CA5A: variants seen among roughly 807,000 people sequenced by gnomAD.
CA5A encodes the protein carbonic anhydrase 5A, mitochondrial.
In CA5A, 28 loss-of-function variants were observed where a neutral mutation model predicts 37.1. The observed-to-expected ratio is 0.75, with a 90% CI of 0.56 to 1.03. The LOEUF is 1.03. Among genes scored for constraint, CA5A ranks in the 50% least tolerant of loss-of-function variants. CA5A has a pLI of 0.00. For synonymous variants in CA5A, 171 were observed against 158.4 expected, an observed-to-expected ratio of 1.08 and a Z score of -0.60; for missense variants, 444 against 399.9, an observed-to-expected ratio of 1.11 and a Z score of -0.94.
chr16:87,924,350 G>A (rs577409186), intron 2 of CA5A: 2 of 979,836 alleles, frequency 2.0e-6, no homozygotes, highest in African/African-American at 3.5e-5. Flanking sequence ...CGAAAGGAGA[G>A]AGAGACACTG....
chr16:87,907,858 G>A (rs368063736), intron 2 of CA5A, among the ~76,000 whole-genome samples: 13 of 152,148 alleles, frequency 8.5e-5, no homozygotes, highest in African/African-American at 2.2e-4. Flanking sequence ...CTTGGCAGGC[G>A]GAGGTTGCAG....
chr16:87,912,130 C>T (rs1028544750), intron 2 of CA5A, among the ~76,000 whole-genome samples: 3 of 152,036 alleles, frequency 2.0e-5, no homozygotes, highest in African/African-American at 7.2e-5. Flanking sequence ...GGTGAAACCC[C>T]GTCTCTACTA....
At chr16:87,918,228 C>T (rs940182745) in intron 2 of CA5A, among the ~76,000 whole-genome samples, 2 of 152,246 alleles carry the variant, frequency 1.3e-5, no homozygotes, top group Non-Finnish European at 2.9e-5. Flanking sequence ...AAGTGCTTCA[C>T]ACAGCCCTGC....
intron 2 of CA5A, among the ~76,000 whole-genome samples, chr16:87,905,759 G>A (rs1383983331): frequency 2.6e-5 from 4 of 152,190 alleles, no homozygotes; most frequent in Non-Finnish European, 4.4e-5. Context: ...AGCTTTTATT[G>A]GAACACTCCT....
In CA5A at chr16:87,926,831, G is replaced by A. The variant is rs1218721839; in HGVS notation, c.257C>T (p.Ser86Phe). The change falls in exon 2 of 7, where the codon TCC (serine) becomes TTC (phenylalanine). Residue 86 changes from serine (S) to phenylalanine (F), a missense_variant. Transcript: ENST00000649794. ...YDPQLKPLRV[S>F]YEAASCLYIW... ...GTACAGGCAGGATGCCGCTTCATAG[G>A]AGACCCTGAGTGGCTTCAGCTGGGG... The A allele has an allele frequency of 6.2e-7, 1 of 1,614,028 alleles. No homozygotes were observed. The highest frequency in any genetic ancestry group is 1.3e-5 in the African/African-American group (1 of 74,942).
intron 1 of CA5A, among the ~76,000 whole-genome samples, chr16:87,928,091 C>T (rs2056337891): frequency 6.6e-6 from 1 of 152,102 alleles, no homozygotes; most frequent in Non-Finnish European, 1.5e-5. Flanking sequence ...GGGATGTCAC[C>T]CCAGAGGCCT....
At chr16:87,920,687 G>C (rs2056218288) in intron 2 of CA5A, among the ~76,000 whole-genome samples, 1 of 151,618 alleles carries the variant, frequency 6.6e-6, no homozygotes, top group African/African-American at 2.4e-5. Context: ...GCGTGATCTC[G>C]ACTCACTTAC....
chr16:87,913,752 C>T (rs949314450), intron 2 of CA5A, among the ~76,000 whole-genome samples: 2 of 151,920 alleles, frequency 1.3e-5, no homozygotes, highest in African/African-American at 4.8e-5. Context: ...GTGACTGACT[C>T]GTCCCCGGTC....
At chr16:87,903,850 A>T in intron 3 of CA5A, among the ~76,000 whole-genome samples, 1 of 152,368 alleles carries the variant, frequency 6.6e-6, no homozygotes, top group East Asian at 1.9e-4. Flanking sequence ...GGACTGAGAC[A>T]TCAAACTCGT....
In CA5A at chr16:87,936,033, G is replaced by C. The variant is rs917620184; in HGVS notation, c.142+276C>G. Among the ~76,000 whole-genome samples, 3 of 152,018 alleles carry C rather than the reference G, an allele frequency of 2.0e-5. No homozygotes were observed. In the South Asian group the frequency reaches 6.2e-4, roughly 31 times the overall value. ...TAAAAATACGAAAAATTAGCCAGGA[G>C]TGGTGGCATGCACCTATAGTCCCAG... On this transcript the variant is annotated intron_variant, in intron 1 of 6. Transcript: ENST00000649794.
At chr16:87,895,366 C>A (rs1022996468) in intron 5 of CA5A, among the ~76,000 whole-genome samples, 6 of 152,032 alleles carry the variant, frequency 3.9e-5, no homozygotes, top group East Asian at 1.9e-4. Flanking sequence ...ACCAACATGG[C>A]GAAACCATGT....
At position 87,904,896 on chromosome 16, in the gene CA5A, C is replaced by T; in HGVS notation, c.349G>A (p.Gly117Ser). 6.2e-7 allele frequency: 1 copy of T among 1,607,330 alleles called. No individual in the cohort carries two copies. Among genetic ancestry groups the T allele is most frequent in the African/African-American group, 1.3e-5 (1 of 74,916 alleles). Residue 117 changes from glycine to serine, a missense_variant, in exon 3 of 7, where the codon GGT becomes AGT. By Grantham distance (56) the Gly-to-Ser change is moderately conservative. Coordinates refer to ENST00000649794, the MANE Select transcript of CA5A (RefSeq NM_001739.2). ...CTGTAGTGGTTTTCCAAGGGCCCAC[C>T]ACTAATTCCTGGAAATAAAGGCAGT... is the stretch of plus-strand genomic sequence containing the variant. ...DDATEASGIS[G>S]GPLENHYRLK...
intron 3 of CA5A, among the ~76,000 whole-genome samples, chr16:87,903,188 T>C (rs1215412715): frequency 2.0e-5 from 3 of 152,130 alleles, no homozygotes; most frequent in Non-Finnish European, 4.4e-5. Context: ...ATCTCAGCAC[T>C]CTGGGAGGCC....
intron 2 of CA5A, among the ~76,000 whole-genome samples, chr16:87,924,701 C>G (rs1476816304): frequency 6.6e-6 from 1 of 152,364 alleles, no homozygotes; most frequent in East Asian, 1.9e-4. Context: ...GGGGAAGCCC[C>G]GGTGAGCATG....
intron 6 of CA5A, among the ~76,000 whole-genome samples, chr16:87,889,120 T>C (rs2055678038): frequency 1.3e-5 from 2 of 152,024 alleles, no homozygotes; most frequent in Admixed American, 6.6e-5. Flanking sequence ...GGTTTCTCCA[T>C]GTTGGTCAGG....
chr16:87,885,365 G>A (rs1039101914), downstream of CA5A: 6 of 152,972 alleles, frequency 3.9e-5, no homozygotes, highest in African/African-American at 1.2e-4. Flanking sequence ...CAGGTATCTG[G>A]TGAAAGAGGA....
chr16:87,918,741 G>A (rs1471954551), intron 2 of CA5A, among the ~76,000 whole-genome samples: 1 of 151,912 alleles, frequency 6.6e-6, no homozygotes. Flanking sequence ...ATTCTTCTCT[G>A]TTTCTCTCTG....
intron 5 of CA5A, 109 bp from the exon 6 acceptor site, chr16:87,892,063 C>T (rs1333779431): frequency 9.5e-7 from 1 of 1,049,242 alleles, no homozygotes; most frequent in African/African-American, 1.7e-5. Context: ...AGTGCTTTCC[C>T]CCAGATAAGG....
intron 2 of CA5A, 28 bp from the exon 3 acceptor site, chr16:87,904,932 T>A: frequency 7.0e-7 from 1 of 1,424,850 alleles, no homozygotes; most frequent in Admixed American, 1.7e-5. Flanking sequence ...GAGACGTGTG[T>A]GTCATTTTGT....
Sources: allele counts gnomAD v4.1 joint callset (sites outside exome capture counted in the v4.1 genomes callset), GRCh38; gene constraint gnomAD v4.1.1; transcripts MANE v1.5; gene names NCBI Gene and HGNC (gene_info 2026-07-23, HGNC 2026-07-21).